The following CADM1 variants were observed in gnomAD, a reference collection of about 807,000 sequenced individuals.
CADM1 encodes cell adhesion molecule 1, also known as TSLC-1.
A neutral mutation model predicts 53.1 loss-of-function variants in CADM1; 15 were observed. The observed-to-expected ratio is 0.28, with a 90% CI of 0.19 to 0.44. The LOEUF is 0.44. CADM1 is among the 20% of genes least tolerant of loss of function. The pLI, the probability that CADM1 is intolerant of heterozygous loss-of-function variation, is 1.00. For synonymous variants in CADM1, 281 were observed against 243.0 expected (o/e 1.16, Z -1.45); for missense variants, 434 against 611.3 (o/e 0.71, Z 3.06).
chr11:115,468,942 C>T (rs1948951693), intron 1 of CADM1, among the ~76,000 whole-genome samples: 1 of 152,132 alleles, frequency 6.6e-6, no homozygotes, highest in African/African-American at 2.4e-5. Context: ...GCAAACTCCC[C>T]TTTATAAAAC....
At chr11:115,282,850 T>C (rs942782737) in intron 1 of CADM1, among the ~76,000 whole-genome samples, 15 of 152,188 alleles carry the variant, frequency 9.9e-5, no homozygotes, top group African/African-American at 3.6e-4. Flanking sequence ...CATGCTTATA[T>C]TAAAATGGAA....
chr11:115,229,933 C>T (rs1221840005), intron 4 of CADM1, among the ~76,000 whole-genome samples: 1 of 152,192 alleles, frequency 6.6e-6, no homozygotes, highest in African/African-American at 2.4e-5. Context: ...AGATGGGAGA[C>T]ACATCCAAGA....
At chr11:115,218,030 G>C (rs1451561363) in intron 5 of CADM1, 39 bp from the exon 6 acceptor site, 3 of 1,465,152 alleles carry the variant, frequency 2.0e-6, no homozygotes, top group Non-Finnish European at 2.9e-6. Context: ...TTTAGCAAAT[G>C]ATATCATCAG....
At chr11:115,458,858 C>A (rs1948735159) in intron 1 of CADM1, among the ~76,000 whole-genome samples, 1 of 152,126 alleles carries the variant, frequency 6.6e-6, no homozygotes, top group Non-Finnish European at 1.5e-5. Context: ...AGGCATACAT[C>A]CTCACAAAGA....
At chr11:115,454,745 C>G (rs996938706) in intron 1 of CADM1, among the ~76,000 whole-genome samples, 1 of 152,160 alleles carries the variant, frequency 6.6e-6, no homozygotes, top group Admixed American at 6.5e-5. Context: ...GCCAATAAGG[C>G]TTTGGTCTTT....
chr11:115,368,169 A>T (rs1173918611), intron 1 of CADM1, among the ~76,000 whole-genome samples: 1 of 113,674 alleles, frequency 8.8e-6, no homozygotes, highest in Non-Finnish European at 1.7e-5. Flanking sequence ...CTTCCCTTCC[A>T]GATTGTTTGG....
At chr11:115,299,554 A>C (rs1944165465) in intron 1 of CADM1, among the ~76,000 whole-genome samples, 1 of 152,202 alleles carries the variant, frequency 6.6e-6, no homozygotes, top group Non-Finnish European at 1.5e-5. Context: ...GATGTTTAAA[A>C]GGTATGTCCT....
intron 1 of CADM1, among the ~76,000 whole-genome samples, chr11:115,424,508 C>T (rs1188214844): frequency 6.6e-6 from 1 of 152,118 alleles, no homozygotes; most frequent in Non-Finnish European, 1.5e-5. Context: ...GGAAAACACA[C>T]TTTTCTTTTT....
intron 1 of CADM1, among the ~76,000 whole-genome samples, chr11:115,354,128 C>G (rs1423729293): frequency 1.3e-5 from 2 of 152,020 alleles, no homozygotes; most frequent in African/African-American, 4.8e-5. Context: ...TAACAAGAAT[C>G]TAATGCAGTG....
rs1393872067 is a variant in CADM1, at chr11:115,175,705, C to G, written c.*769G>C. The G allele has an allele frequency of 1.0e-6, 1 of 987,542 alleles. No individual in the cohort carries two copies. The highest frequency in any genetic ancestry group is 1.1e-4 in the East Asian group (1 of 8,860). The allele number at this position is 987,542 out of a possible 1,614,324, so 61.2% of individuals were successfully genotyped here. ...CCGTCTACAGATACAGAATTAAAGA[C>G]AGTGAAATTCAATCTCATTGTGACA... On this transcript the variant is annotated 3_prime_UTR_variant, in exon 12 of 12. Coordinates refer to ENST00000331581, the MANE Select transcript of CADM1 (RefSeq NM_001301043.2).
intron 1 of CADM1, among the ~76,000 whole-genome samples, chr11:115,468,495 TAAC>T (rs1437873411): frequency 2.0e-5 from 3 of 152,298 alleles, no homozygotes; most frequent in African/African-American, 7.2e-5. Flanking sequence ...AGAAAGGAAT[TAAC>T]AACAGTTTCA....
At chr11:115,503,180 C>T (rs1949769109) in intron 1 of CADM1, among the ~76,000 whole-genome samples, 1 of 152,198 alleles carries the variant, frequency 6.6e-6, no homozygotes, top group East Asian at 1.9e-4. Flanking sequence ...GCCGGCCTCT[C>T]CGCTGAGGAA....
At chr11:115,328,406 T>C (rs915025722) in intron 1 of CADM1, among the ~76,000 whole-genome samples, 1 of 151,918 alleles carries the variant, frequency 6.6e-6, no homozygotes, top group African/African-American at 2.4e-5. Context: ...TTATTGTTTG[T>C]AGATGAAATT....
chr11:115,173,893 T>C lies in CADM1; in HGVS notation c.*2581A>G. The C allele has an allele frequency of 1.0e-6, 1 of 972,190 alleles. No homozygotes were observed. Among genetic ancestry groups the C allele is most frequent in the South Asian group, 4.8e-5 (1 of 21,004 alleles). 60.2% of individuals were successfully genotyped at this position (972,190 alleles called of 1,614,324 possible). A position where few individuals can be genotyped will look rare whatever the true frequency, so the allele number is the denominator to read the frequency against. ...ACATCCTTCATTATTTTATATTCCT[T>C]TAAAAAACACAAAAAACAAGTTTGT... On this transcript the variant is annotated 3_prime_UTR_variant, in exon 12 of 12. Transcript: ENST00000331581.
intron 5 of CADM1, among the ~76,000 whole-genome samples, chr11:115,227,375 T>C (rs1036062155): frequency 6.6e-6 from 1 of 151,832 alleles, no homozygotes; most frequent in African/African-American, 2.4e-5. Context: ...GGAGTGAGGG[T>C]AATTTGGTAG....
At chr11:115,330,869 C>A (rs1169107251) in intron 1 of CADM1, among the ~76,000 whole-genome samples, 1 of 152,108 alleles carries the variant, frequency 6.6e-6, no homozygotes, top group African/African-American at 2.4e-5. Context: ...TCAATGAGAA[C>A]CACCTCCACC....
At chr11:115,342,697 T>C (rs1010919007) in intron 1 of CADM1, among the ~76,000 whole-genome samples, 4 of 152,196 alleles carry the variant, frequency 2.6e-5, no homozygotes, top group African/African-American at 9.6e-5. Context: ...AAATGATGTG[T>C]TTCCATAGTA....
At chr11:115,405,422 C>T (rs913479740) in intron 1 of CADM1, among the ~76,000 whole-genome samples, 4 of 152,126 alleles carry the variant, frequency 2.6e-5, no homozygotes, top group Non-Finnish European at 5.9e-5. Flanking sequence ...GAGCTTTATC[C>T]AAGAAAGCCA....
chr11:115,470,169 C>CA (rs1456602047), intron 1 of CADM1, among the ~76,000 whole-genome samples: 3 of 152,332 alleles, frequency 2.0e-5, no homozygotes, highest in African/African-American at 7.2e-5. Context: ...ACATGCCAGA[C>CA]AAACGTTAGC....
Sources: allele counts gnomAD v4.1 joint callset (sites outside exome capture counted in the v4.1 genomes callset), GRCh38; gene constraint gnomAD v4.1.1; transcripts MANE v1.5; gene names NCBI Gene and HGNC (gene_info 2026-07-23, HGNC 2026-07-21).